PGA5: variants seen among roughly 807,000 people sequenced by gnomAD.
PGA5 encodes the protein pepsinogen A5.
PGA5 carries 19 observed loss-of-function variants against 15.9 expected under a neutral mutation model. The ratio of observed to expected loss-of-function variants is 1.19; its 90% confidence interval spans 0.83 to 1.75. PGA5 has a LOEUF of 1.75. Ranked by LOEUF, PGA5 falls within the 40% of genes most tolerant of loss-of-function variation. The pLI is 0.00. For synonymous variants in PGA5, 92 were observed against 95.8 expected (o/e 0.96, Z 0.23); for missense variants, 224 against 246.4 (o/e 0.91, Z 0.61).
chr11:61,249,578 G>T (rs1162524614), intron 6 of PGA5, 91 bp from the exon 7 acceptor site: 2 of 1,607,328 alleles, frequency 1.2e-6, no homozygotes, highest in Non-Finnish European at 1.7e-6. Flanking sequence ...TGGATGGGTG[G>T]GGAAGGAATG....
rs1473697690 is a variant in PGA5, at chr11:61,246,872, AATG to A, written c.656+732_656+734del. 3.7e-4 allele frequency among the ~76,000 whole-genome samples: 57 copies of A among 152,076 alleles called. 1 individual carries two copies. Among genetic ancestry groups the A allele is most frequent in the African/African-American group, 1.3e-3 (54 of 41,302 alleles). On this transcript the variant is annotated intron_variant, in intron 5 of 8. Coordinates refer to ENST00000312403, the MANE Select transcript of PGA5 (RefSeq NM_014224.5). ...AAAGATTTGATCAAGATGTATCATG[AATG>A]ATGACATTTTTCAATCATGAAAGCA...
Position 61,249,759 on chromosome 11 carries a change from C to T in PGA5, c.864C>T (p.Ser288=). ...CCTCTCTGCTGACCGGCCCAACCAGCCCCATTGCCAACATCCAGAGCGACA... is the reference window on the plus strand; with the variant it reads ...CCTCTCTGCTGACCGGCCCAACCAGTCCCATTGCCAACATCCAGAGCGACA... ...TGTSLLTGPT[S]PIANIQSDIG... The change falls in exon 7 of 9, where the codon AGC becomes AGT. Residue 288 remains serine, a synonymous_variant. Transcript: ENST00000312403. 1.2e-6 allele frequency: 2 copies of T among 1,613,638 alleles called. No homozygotes were observed. The highest frequency in any genetic ancestry group is 8.5e-7 in the Non-Finnish European group (1 of 1,179,864).
chr11:61,246,223 A>G, intron 5 of PGA5, 78 bp downstream of exon 5: 1 of 292,948 alleles, frequency 3.4e-6, no homozygotes, highest in Non-Finnish European at 6.5e-6. Flanking sequence ...GGAGCTGTCC[A>G]AGGCTGGGTG....
In PGA5 at chr11:61,251,180, G is replaced by A. The variant is rs752639813; in HGVS notation, c.1066G>A (p.Glu356Lys). 1.2e-5 allele frequency: 19 copies of A among 1,611,690 alleles called. No homozygotes were observed. The East Asian group carries it at 1.6e-4, about 13-fold the overall frequency. ...SGFQGMNVPT[E>K]SGELWILGDV... ...CTTCCAGGGCATGAACGTCCCCACC[G>A]AATCTGGAGAGCTTTGGATCCTGGG... The change falls in exon 9 of 9, where the codon GAA (glutamate) becomes AAA (lysine). Residue 356 changes from glutamate (E) to lysine (K), a missense_variant. Transcript: ENST00000312403.
chr11:61,249,215 C>A (rs1259238444), intron 6 of PGA5: 1 of 326,782 alleles, frequency 3.1e-6, no homozygotes, highest in Admixed American at 4.3e-5. Flanking sequence ...CCTCTGGTCT[C>A]TGTACCTCCC....
intron 5 of PGA5, among the ~76,000 whole-genome samples, chr11:61,247,129 T>G (rs1049236698): frequency 6.6e-6 from 1 of 152,040 alleles, no homozygotes; most frequent in African/African-American, 2.4e-5. Context: ...TTGAAAGGGT[T>G]CGCCGTCATT....
At chr11:61,250,814 T>G (rs1854130700) in intron 8 of PGA5, 1 of 591,554 alleles carries the variant, frequency 1.7e-6, no homozygotes, top group Admixed American at 2.2e-5. Flanking sequence ...GAAAAGGATG[T>G]AGTGGCAGGG....
intron 5 of PGA5, chr11:61,248,198 C>T: frequency 8.9e-7 from 1 of 1,120,854 alleles, no homozygotes; most frequent in Non-Finnish European, 1.4e-6. Flanking sequence ...GGCAGGTGGC[C>T]TCACCTCCCT....
intron 5 of PGA5, among the ~76,000 whole-genome samples, chr11:61,246,471 G>C (rs916299647): frequency 1.1e-4 from 16 of 151,886 alleles, no homozygotes; most frequent in Middle Eastern, 3.4e-3. Flanking sequence ...AGTGAATACA[G>C]TTAGCCAGGC....
At position 61,249,328 on chromosome 11, in the gene PGA5, G is replaced by A. The variant is rs148162223; in HGVS notation, c.774-341G>A. 385 of 431,558 alleles carry A rather than the reference G, an allele frequency of 8.9e-4. 5 individuals are homozygous for A. The highest frequency in any genetic ancestry group is 4.7e-3 in the African/African-American group (231 of 49,342). The allele number at this position is 431,558 out of a possible 1,614,324, so 26.7% of individuals were successfully genotyped here. ...TCCCCTCCACCACCTCTCACCCTGG[G>A]CCCTGTTTTTGTTCCCTGCCTCATG... On this transcript the variant is annotated intron_variant, in intron 6 of 8. Transcript: ENST00000312403.
Position 61,251,239 on chromosome 11 carries a change from C to T in PGA5, c.1125C>T (p.Phe375=), listed in dbSNP as rs775537260. ...TCATCCGCCAGTACTTTACCGTCTTCGACAGGGCAAACAACCAGGTCGGCC... is the reference window on the plus strand; with the variant it reads ...TCATCCGCCAGTACTTTACCGTCTTTGACAGGGCAAACAACCAGGTCGGCC... The part of the protein sequence containing the change: ...DVFIRQYFTV[F]DRANNQVGLA... The change falls in exon 9 of 9, where the codon TTC becomes TTT. Residue 375 remains phenylalanine, a synonymous_variant. Transcript: ENST00000312403. The T allele has an allele frequency of 1.3e-5, 21 of 1,611,842 alleles. No homozygotes were observed. Among genetic ancestry groups the T allele is most frequent in the East Asian group, 1.1e-4 (5 of 44,870 alleles).
intron 8 of PGA5, among the ~76,000 whole-genome samples, chr11:61,250,381 C>G (rs1398824311): frequency 6.6e-6 from 1 of 151,544 alleles, no homozygotes; most frequent in Non-Finnish European, 1.5e-5. Flanking sequence ...TTTCCCCACC[C>G]TCAGAGTGCG....
In PGA5 at chr11:61,249,898, C is replaced by T. The variant is rs200598261; in HGVS notation, c.919-18C>T. ...CGACGAAAACCCTTCTAACTTTTCT[C>T]ACCCTCACTCTTTCCAGATGGTGGT... On this transcript the variant is annotated intron_variant, in intron 7 of 8. Transcript: ENST00000312403. The T allele has an allele frequency of 1.2e-6, 2 of 1,613,654 alleles. No homozygotes were observed. The highest frequency in any genetic ancestry group is 4.5e-5 in the East Asian group (2 of 44,880).
Position 61,248,294 on chromosome 11 carries a change from T to C in PGA5, c.657-125T>C, listed in dbSNP as rs377273961. 2,577 of 1,609,432 alleles carry C rather than the reference T, an allele frequency of 1.6e-3. 73 individuals carry two copies. In the South Asian group the frequency reaches 0.026, roughly 16 times the overall value. On this transcript the variant is annotated intron_variant, in intron 5 of 8. Coordinates refer to ENST00000312403, the MANE Select transcript of PGA5 (RefSeq NM_014224.5). ...TGGCCTAAGAGGAAAAGAAACCACATTGGTCACACCCCAGGACAGCCCTGG... is the reference window on the plus strand; with the variant it reads ...TGGCCTAAGAGGAAAAGAAACCACACTGGTCACACCCCAGGACAGCCCTGG...
chr11:61,247,792 T>G (rs1854084584), intron 5 of PGA5, among the ~76,000 whole-genome samples: 1 of 152,018 alleles, frequency 6.6e-6, no homozygotes, highest in Non-Finnish European at 1.5e-5. Context: ...GTGGGGCCAT[T>G]GTATCTCCCC....
intron 7 of PGA5, 31 bp downstream of exon 7, chr11:61,249,844 A>C (rs1854114984): frequency 2.0e-5 from 33 of 1,613,628 alleles, no homozygotes; most frequent in Non-Finnish European, 2.5e-5. Flanking sequence ...CCTGTTCTAC[A>C]CTCAAGTAGT....
chr11:61,247,491 A>G (rs907440394), intron 5 of PGA5, among the ~76,000 whole-genome samples: 2 of 151,654 alleles, frequency 1.3e-5, no homozygotes, highest in Non-Finnish European at 2.9e-5. Flanking sequence ...GTTAGCCAGG[A>G]TGGTCTCCAT....
In PGA5 at chr11:61,248,239, C is replaced by T. The variant is rs753216337; in HGVS notation, c.657-180C>T. On this transcript the variant is annotated intron_variant, in intron 5 of 8. Transcript: ENST00000312403. The stretch of plus-strand genomic sequence containing the variant: ...TCAGTGTCCTCATGGTAAGTGGAAA[C>T]AACAGTGACGGTGCCCACTGCATGG... 49 of 1,456,624 alleles carry T rather than the reference C, an allele frequency of 3.4e-5. 1 individual carries two copies. The highest frequency in any genetic ancestry group is 1.4e-4 in the South Asian group (12 of 88,042). 90.2% of individuals were successfully genotyped at this position (1,456,624 alleles called of 1,614,324 possible).
intron 5 of PGA5, 155 bp from the exon 6 acceptor site, chr11:61,248,264 G>A: frequency 6.4e-7 from 1 of 1,570,646 alleles, no homozygotes; most frequent in Non-Finnish European, 8.8e-7. Context: ...CCACTGCATG[G>A]GCCCTGGCCT....
Sources: gnomAD v4.1 joint callset for allele counts (sites outside exome capture counted in the v4.1 genomes callset) on GRCh38, gnomAD v4.1.1 for gene constraint, MANE v1.5 for transcripts, NCBI Gene and HGNC (gene_info 2026-07-23, HGNC 2026-07-21) for gene names.